The following LRRTM4 variants were observed in gnomAD, a reference collection of about 807,000 sequenced individuals.
The protein encoded by LRRTM4 is leucine rich repeat transmembrane neuronal 4, also known as leucine-rich repeat transmembrane neuronal protein 4.
In LRRTM4, 25 loss-of-function variants were observed where a neutral mutation model predicts 47.6. The observed-to-expected ratio is 0.53, with a 90% confidence interval of 0.38 to 0.73. The LOEUF is 0.73. LRRTM4 is among the 30% of genes least tolerant of loss of function. The pLI is 0.00. For synonymous variants in LRRTM4, 311 were observed against 269.5 expected (o/e 1.15, Z -1.51); for missense variants, 638 against 713.4 (o/e 0.89, Z 1.20).
intron 3 of LRRTM4, among the ~76,000 whole-genome samples, chr2:77,014,259 T>C (rs367932821): frequency 6.6e-5 from 10 of 152,096 alleles, no homozygotes; most frequent in South Asian, 2.1e-4. Flanking sequence ...GTGAAAGGAA[T>C]AGGCCAGTTG....
intron 3 of LRRTM4, among the ~76,000 whole-genome samples, chr2:77,029,013 T>A (rs1479768810): frequency 6.8e-6 from 1 of 146,848 alleles, no homozygotes; most frequent in Non-Finnish European, 1.5e-5. Flanking sequence ...ATAGCCTGGG[T>A]GACAAAGCGA....
chr2:77,293,292 A>G (rs1676880934), intron 3 of LRRTM4, among the ~76,000 whole-genome samples: 1 of 152,130 alleles, frequency 6.6e-6, no homozygotes, highest in Admixed American at 6.6e-5. Flanking sequence ...TGCCAATACA[A>G]ACATACGTAA....
At chr2:76,955,434 A>G (rs961243795) in intron 3 of LRRTM4, among the ~76,000 whole-genome samples, 4 of 151,860 alleles carry the variant, frequency 2.6e-5, no homozygotes, top group African/African-American at 9.7e-5. Context: ...TATGTATGGT[A>G]ATCATAAGAA....
chr2:77,443,862 C>T (rs1473909592), intron 3 of LRRTM4, among the ~76,000 whole-genome samples: 1 of 151,992 alleles, frequency 6.6e-6, no homozygotes, highest in Non-Finnish European at 1.5e-5. Flanking sequence ...CAGTATCAGG[C>T]AGCCACACAT....
At chr2:77,264,502 C>T (rs1676001036) in intron 3 of LRRTM4, among the ~76,000 whole-genome samples, 1 of 152,032 alleles carries the variant, frequency 6.6e-6, no homozygotes, top group African/African-American at 2.4e-5. Context: ...AGGGCTTCAA[C>T]TTACACATTT....
At chr2:77,518,293 C>T (rs1419462804) in intron 3 of LRRTM4, 25 bp downstream of exon 3, 1 of 1,564,898 alleles carries the variant, frequency 6.4e-7, no homozygotes, top group Non-Finnish European at 8.6e-7. Flanking sequence ...AGTAGAAATG[C>T]TTTTAGGAGG....
At chr2:76,962,310 G>A (rs932131732) in intron 3 of LRRTM4, among the ~76,000 whole-genome samples, 4 of 151,100 alleles carry the variant, frequency 2.6e-5, no homozygotes, top group Non-Finnish European at 5.9e-5. Context: ...AATACGTATT[G>A]GTGGATAAAT....
intron 3 of LRRTM4, among the ~76,000 whole-genome samples, chr2:77,312,915 G>T (rs1677498703): frequency 6.6e-6 from 1 of 152,168 alleles, no homozygotes; most frequent in Non-Finnish European, 1.5e-5. Context: ...TTTGATCTGA[G>T]TTCTGGGAAC....
chr2:77,296,043 T>G (rs1676964610), intron 3 of LRRTM4, among the ~76,000 whole-genome samples: 1 of 152,204 alleles, frequency 6.6e-6, no homozygotes, highest in Non-Finnish European at 1.5e-5. Flanking sequence ...AGTAGTTAAT[T>G]CTTCGTATAA....
chr2:76,836,112 G>A (rs1329157347), intron 3 of LRRTM4, among the ~76,000 whole-genome samples: 1 of 150,962 alleles, frequency 6.6e-6, no homozygotes, highest in Non-Finnish European at 1.5e-5. Context: ...GTTTTCTAAG[G>A]TGTATTTGAA....
intron 3 of LRRTM4, among the ~76,000 whole-genome samples, chr2:76,857,058 A>G (rs1672173934): frequency 6.6e-6 from 1 of 151,784 alleles, no homozygotes; most frequent in African/African-American, 2.4e-5. Flanking sequence ...AGTACAGTTG[A>G]CCCTTGAACA....
intron 3 of LRRTM4, among the ~76,000 whole-genome samples, chr2:77,393,049 A>C (rs1004471101): frequency 1.8e-4 from 27 of 152,002 alleles, no homozygotes; most frequent in African/African-American, 5.8e-4. Context: ...AAGGTAGACA[A>C]AACATTAGAG....
chr2:77,117,091 A>T (rs560412406), intron 3 of LRRTM4, among the ~76,000 whole-genome samples: 1 of 152,202 alleles, frequency 6.6e-6, no homozygotes, highest in East Asian at 1.9e-4. Flanking sequence ...TGAGCATGAT[A>T]GTTATGAAGT....
At chr2:77,338,013 T>C (rs1408399423) in intron 3 of LRRTM4, among the ~76,000 whole-genome samples, 2 of 152,056 alleles carry the variant, frequency 1.3e-5, no homozygotes. Context: ...ATAGAATAAA[T>C]AATGCTGGAA....
chr2:77,071,474 C>G (rs1036849021), intron 3 of LRRTM4, among the ~76,000 whole-genome samples: 4 of 152,068 alleles, frequency 2.6e-5, no homozygotes, highest in Admixed American at 2.0e-4. Flanking sequence ...TGCCCAAACT[C>G]TCAATATTTT....
intron 3 of LRRTM4, among the ~76,000 whole-genome samples, chr2:77,466,300 G>A (rs917128031): frequency 6.6e-6 from 1 of 152,054 alleles, no homozygotes; most frequent in Non-Finnish European, 1.5e-5. Flanking sequence ...TTACTTCAGG[G>A]GAGTCCGAAT....
chr2:76,927,166 A>T (rs1388152880), intron 3 of LRRTM4, among the ~76,000 whole-genome samples: 1 of 152,034 alleles, frequency 6.6e-6, no homozygotes, highest in African/African-American at 2.4e-5. Context: ...TATCTAACCT[A>T]TTCCCTAGGA....
At chr2:77,438,531 C>T (rs764197779) in intron 3 of LRRTM4, among the ~76,000 whole-genome samples, 2 of 150,892 alleles carry the variant, frequency 1.3e-5, no homozygotes, top group African/African-American at 4.9e-5. Flanking sequence ...CTCAGCCTCC[C>T]GAATAGCTGG....
chr2:77,159,656 G>C (rs1672656719), intron 3 of LRRTM4, among the ~76,000 whole-genome samples: 1 of 152,016 alleles, frequency 6.6e-6, no homozygotes, highest in Non-Finnish European at 1.5e-5. Context: ...AGGAGGAGGA[G>C]AAATAGGAGG....
Sources: allele counts gnomAD v4.1 joint callset (sites outside exome capture counted in the v4.1 genomes callset), GRCh38; gene constraint gnomAD v4.1.1; transcripts MANE v1.5; gene names NCBI Gene and HGNC (gene_info 2026-07-23, HGNC 2026-07-21).